Variants in PRLR observed in about 807,000 individuals in gnomAD.
PRLR encodes prolactin receptor.
In PRLR, 13 loss-of-function variants were observed where a neutral mutation model predicts 40.2. That is an observed-to-expected ratio of 0.32 (90% CI 0.21 to 0.51). The LOEUF is 0.51. Among genes scored for constraint, PRLR ranks in the 20% least tolerant of loss-of-function variants. PRLR has a pLI of 0.97. For synonymous variants in PRLR, 269 were observed against 278.7 expected (o/e 0.97, Z 0.35); for missense variants, 656 against 747.3 (o/e 0.88, Z 1.42).
intron 1 of PRLR, among the ~76,000 whole-genome samples, chr5:35,226,618 A>G (rs1176444840): frequency 6.6e-6 from 1 of 152,194 alleles, no homozygotes; most frequent in Non-Finnish European, 1.5e-5. Flanking sequence ...CCCTTTCCCT[A>G]GACTTTCACA....
At position 35,068,869 on chromosome 5, in the gene PRLR, A is replaced by G. The variant is rs1474269000; in HGVS notation, c.695T>C (p.Met232Thr). 6.2e-7 allele frequency: 1 copy of G among 1,610,834 alleles called. No individual in the cohort carries two copies. The highest frequency in any genetic ancestry group is 1.1e-5 in the South Asian group (1 of 90,996). ...AGAGATCCACACGGTTGTATCATTCATGGTGAAGTCTAAAAAACAAACAGC... is the reference window on the plus strand; with the variant it reads ...AGAGATCCACACGGTTGTATCATTCGTGGTGAAGTCTAAAAAACAAACAGC... ...TFIQIPSDFT[M>T]NDTTVWISVA... The change falls in exon 8 of 10, where the codon ATG becomes ACG. Residue 232 changes from methionine (M) to threonine (T), a missense_variant. By Grantham distance (81) the Met-to-Thr change is moderately conservative. Transcript: ENST00000618457.
intron 1 of PRLR, among the ~76,000 whole-genome samples, chr5:35,220,421 T>C (rs1396232613): frequency 6.6e-6 from 1 of 152,214 alleles, no homozygotes; most frequent in Non-Finnish European, 1.5e-5. Flanking sequence ...TTAGTACTGA[T>C]GTGCTAGCTT....
intron 1 of PRLR, among the ~76,000 whole-genome samples, chr5:35,148,980 T>C (rs1001972503): frequency 6.6e-6 from 1 of 152,086 alleles, no homozygotes; most frequent in Non-Finnish European, 1.5e-5. Context: ...GAATTTCTTA[T>C]ATTTTTGAGG....
At chr5:35,215,769 C>T (rs866207018) in intron 1 of PRLR, among the ~76,000 whole-genome samples, 5 of 149,908 alleles carry the variant, frequency 3.3e-5, no homozygotes, top group Middle Eastern at 3.4e-3. Flanking sequence ...GGCACGGTGG[C>T]GCATGCCTGT....
chr5:35,129,801 G>A (rs1301302484), intron 1 of PRLR, among the ~76,000 whole-genome samples: 1 of 152,014 alleles, frequency 6.6e-6, no homozygotes, highest in African/African-American at 2.4e-5. Context: ...CCAAGCAGTA[G>A]GGTGGGAGTG....
chr5:35,173,344 A>G (rs2111951942), intron 1 of PRLR, among the ~76,000 whole-genome samples: 1 of 152,324 alleles, frequency 6.6e-6, no homozygotes, highest in East Asian at 1.9e-4. Flanking sequence ...AGAAAATGGA[A>G]TTACTATTTT....
At chr5:35,219,368 C>T (rs1429712724) in intron 1 of PRLR, among the ~76,000 whole-genome samples, 2 of 152,082 alleles carry the variant, frequency 1.3e-5, no homozygotes, top group African/African-American at 4.8e-5. Context: ...TCTTTTTTTG[C>T]CTCAGTTTCC....
At chr5:35,228,651 G>A (rs6863018) in intron 1 of PRLR, among the ~76,000 whole-genome samples, 89,367 of 151,970 alleles carry the variant, frequency 0.59, 27,642 homozygotes, top group Non-Finnish European at 0.7. Flanking sequence ...AAGGACTGTC[G>A]CCTTAGGAGA....
At chr5:35,195,646 A>C (rs1315288994) in intron 1 of PRLR, 1 of 3,520 alleles carries the variant, frequency 2.8e-4, no homozygotes, top group African/African-American at 6.3e-3. Flanking sequence ...CCGGAGGTAA[A>C]TCCTCCTCTG....
At chr5:35,202,724 C>T (rs1160639337) in intron 1 of PRLR, among the ~76,000 whole-genome samples, 1 of 151,972 alleles carries the variant, frequency 6.6e-6, no homozygotes, top group East Asian at 1.9e-4. Context: ...GAATGGTGAC[C>T]ATAATATGTC....
chr5:35,050,869 A>G (rs1334300169), downstream of PRLR, among the ~76,000 whole-genome samples: 6 of 152,256 alleles, frequency 3.9e-5, no homozygotes, highest in South Asian at 1.2e-3. Flanking sequence ...TACAATTTAC[A>G]TGAAACTTCA....
chr5:35,216,243 T>C (rs1038319436), intron 1 of PRLR, among the ~76,000 whole-genome samples: 1 of 152,206 alleles, frequency 6.6e-6, no homozygotes, highest in African/African-American at 2.4e-5. Flanking sequence ...ACAGTGACAT[T>C]TCCACCAACA....
chr5:35,173,204 T>C (rs772484833), intron 1 of PRLR, among the ~76,000 whole-genome samples: 39 of 152,310 alleles, frequency 2.6e-4, no homozygotes, highest in Non-Finnish European at 4.6e-4. Context: ...TTTGCCAAGG[T>C]CTTGTTTTCC....
At chr5:35,130,073 A>C (rs919691235) in intron 1 of PRLR, 1 of 152,160 alleles carries the variant, frequency 6.6e-6, no homozygotes, top group Non-Finnish European at 1.5e-5. Context: ...AATATCCTCA[A>C]CTACCAGTCT....
chr5:35,181,896 G>T (rs571664149), intron 1 of PRLR, among the ~76,000 whole-genome samples: 2 of 152,260 alleles, frequency 1.3e-5, no homozygotes, highest in South Asian at 2.1e-4. Flanking sequence ...CTGTTTGGAG[G>T]TCTTCAACTG....
chr5:35,122,608 T>C (rs1390394695), intron 1 of PRLR, among the ~76,000 whole-genome samples: 1 of 152,148 alleles, frequency 6.6e-6, no homozygotes, highest in East Asian at 1.9e-4. Flanking sequence ...CCAATGTTAG[T>C]CTTTAGTCCT....
intron 1 of PRLR, among the ~76,000 whole-genome samples, chr5:35,180,047 A>G (rs747127725): frequency 6.6e-6 from 1 of 152,090 alleles, no homozygotes; most frequent in East Asian, 1.9e-4. Flanking sequence ...GAGTGACGGG[A>G]GACAATGACC....
intron 1 of PRLR, among the ~76,000 whole-genome samples, chr5:35,162,511 G>A (rs538748430): frequency 2.0e-5 from 3 of 152,292 alleles, no homozygotes; most frequent in South Asian, 2.1e-4. Flanking sequence ...GAATTTTACC[G>A]GATTCTTATG....
At position 35,065,691 on chromosome 5, in the gene PRLR, G is replaced by A; in HGVS notation, c.1267C>T (p.Gln423Ter). The change falls in exon 10 of 10, where the codon CAG becomes TAG. Residue 423 changes from glutamine to a stop codon, truncating the protein, a stop_gained. Coordinates refer to ENST00000618457, the MANE Select transcript of PRLR (RefSeq NM_000949.7). LOFTEE classifies it low-confidence loss of function (END_TRUNC). ...TGGTAAGAGGATCTGGGGTTGTGCTGGCTGGGCTGTGGTAAGGGCCATGTT... is the reference window on the plus strand; with the variant it reads ...TGGTAAGAGGATCTGGGGTTGTGCTAGCTGGGCTGTGGTAAGGGCCATGTT... ...CSTWPLPQPS[Q>*]HNPRSSYHNI... 6.2e-7 allele frequency: 1 copy of A among 1,614,174 alleles called. No homozygotes were observed. The highest frequency in any genetic ancestry group is 8.5e-7 in the Non-Finnish European group (1 of 1,180,020).
Sources: allele counts gnomAD v4.1 joint callset (sites outside exome capture counted in the v4.1 genomes callset), GRCh38; gene constraint gnomAD v4.1.1; transcripts MANE v1.5; gene names NCBI Gene and HGNC (gene_info 2026-07-23, HGNC 2026-07-21).